CPSF3: variants seen among roughly 807,000 people sequenced by gnomAD.
CPSF3 encodes cleavage and polyadenylation specificity factor subunit 3.
A neutral mutation model predicts 84.1 loss-of-function variants in CPSF3; 57 were observed. The observed-to-expected ratio is 0.68, with a 90% confidence interval of 0.55 to 0.85. CPSF3 has a LOEUF of 0.85. Among genes scored for constraint, CPSF3 ranks in the 40% least tolerant of loss-of-function variants. The pLI is 0.00. For missense variants in CPSF3, 522 were observed against 838.8 expected (o/e 0.62, Z 4.66); for synonymous variants, 275 against 278.1 (o/e 0.99, Z 0.11).
At chr2:9,462,269 G>A (rs1681753851) in intron 15 of CPSF3, among the ~76,000 whole-genome samples, 1 of 152,160 alleles carries the variant, frequency 6.6e-6, no homozygotes, top group African/African-American at 2.4e-5. Context: ...TGCCACCAGG[G>A]TTGCTTTCTC....
chr2:9,452,810 AGTTC>A, intron 11 of CPSF3, 99 bp from the exon 12 acceptor site: 1 of 692,932 alleles, frequency 1.4e-6, no homozygotes, highest in Non-Finnish European at 2.5e-6. Context: ...TTGTTTTCAT[AGTTC>A]AAAGGTGTTA....
At chr2:9,469,796 GT>G (rs1682102319) in intron 16 of CPSF3, among the ~76,000 whole-genome samples, 1 of 152,174 alleles carries the variant, frequency 6.6e-6, no homozygotes, top group Non-Finnish European at 1.5e-5. Context: ...TATTTCCCCA[GT>G]TGTTTAAACA....
intron 7 of CPSF3, among the ~76,000 whole-genome samples, chr2:9,437,739 A>T (rs1005276503): frequency 1.7e-4 from 26 of 152,210 alleles, no homozygotes; most frequent in African/African-American, 5.1e-4. Flanking sequence ...CACGACTGTA[A>T]TCCCTAATTC....
At chr2:9,438,807 C>T (rs1680872809) in intron 7 of CPSF3, among the ~76,000 whole-genome samples, 1 of 152,160 alleles carries the variant, frequency 6.6e-6, no homozygotes, top group African/African-American at 2.4e-5. Flanking sequence ...GGCAATTCTA[C>T]CGTCTGTTCT....
chr2:9,465,013 T>C (rs1440839434), intron 15 of CPSF3, among the ~76,000 whole-genome samples: 2 of 152,108 alleles, frequency 1.3e-5, no homozygotes, highest in African/African-American at 4.8e-5. Context: ...AGGCGAGTAG[T>C]TAGTTGTATA....
At chr2:9,436,457 A>T (rs1680785324) in intron 7 of CPSF3, 96 bp downstream of exon 7, 7 of 1,324,658 alleles carry the variant, frequency 5.3e-6, no homozygotes, top group Non-Finnish European at 7.1e-6. Flanking sequence ...ACCGTTCTGG[A>T]CTTCAGTTTT....
chr2:9,459,547 C>T lies in CPSF3; in HGVS notation c.1715C>T (p.Ser572Phe), dbSNP rs769423079. ...GCTTTCCAGTGGCTGGCAAACCCTT[C>T]TAATGATATGTATGCAGATACAGTA... ...MVVLEWLANP[S>F]NDMYADTVTT... is the part of the protein sequence containing the mutation. The change falls in exon 15 of 18, where the codon TCT becomes TTT. Residue 572 changes from serine to phenylalanine, a missense_variant. By Grantham distance (155) the Ser-to-Phe change is radical (BLOSUM62 -2). Transcript: ENST00000238112. 2 of 1,597,872 alleles carry T rather than the reference C, an allele frequency of 1.3e-6. No homozygotes were observed. The highest frequency in any genetic ancestry group is 4.5e-5 in the East Asian group (2 of 44,036).
intron 9 of CPSF3, among the ~76,000 whole-genome samples, chr2:9,442,186 T>C (rs1197876033): frequency 1.3e-5 from 2 of 152,196 alleles, no homozygotes; most frequent in Non-Finnish European, 2.9e-5. Flanking sequence ...GTGATTGATA[T>C]ACACATTAAA....
In CPSF3 at chr2:9,423,660, T is replaced by C; in HGVS notation, c.-114T>C. ...CCGCGGGCTCCGGAGTGACGGAAGT[T>C]GTGCTCTTGGTGAATGGGGTTCTTC... On this transcript the variant is annotated 5_prime_UTR_variant, in exon 1 of 18. Coordinates refer to ENST00000238112, the MANE Select transcript of CPSF3 (RefSeq NM_016207.4). 1 of 1,370,880 alleles carries C rather than the reference T, an allele frequency of 7.3e-7. No homozygotes were observed. The highest frequency in any genetic ancestry group is 9.9e-7 in the Non-Finnish European group (1 of 1,009,014). 84.9% of individuals were successfully genotyped at this position (1,370,880 alleles called of 1,614,324 possible).
Position 9,473,087 on chromosome 2 carries a change from C to T in CPSF3, c.*70C>T, listed in dbSNP as rs757870752. On this transcript the variant is annotated 3_prime_UTR_variant, in exon 18 of 18. Transcript: ENST00000238112. ...TTTGTTACCTAAAATAAAATGCATT[C>T]GTTTCTCTGGGGGAGCCTGTTTACT... is the stretch of plus-strand genomic sequence containing the variant. 129 of 1,099,664 alleles carry T rather than the reference C, an allele frequency of 1.2e-4. No individual in the cohort carries two copies. The highest frequency in any genetic ancestry group is 1.6e-4 in the Non-Finnish European group (120 of 739,798). The allele number at this position is 1,099,664 out of a possible 1,614,324, so 68.1% of individuals were successfully genotyped here.
At chr2:9,449,407 CAG>C (rs1681240421) in intron 11 of CPSF3, among the ~76,000 whole-genome samples, 2 of 151,926 alleles carry the variant, frequency 1.3e-5, no homozygotes, top group Admixed American at 1.3e-4. Context: ...GCCTGAGTGA[CAG>C]AGTGAGACTG....
intron 9 of CPSF3, among the ~76,000 whole-genome samples, 193 bp from the exon 10 acceptor site, chr2:9,443,322 A>C (rs1681016831): frequency 6.6e-6 from 1 of 152,124 alleles, no homozygotes. Flanking sequence ...TAATTTGTTT[A>C]CTTTTCTCAT....
At chr2:9,430,657 T>C in intron 3 of CPSF3, 95 bp from the exon 4 acceptor site, 1 of 1,195,054 alleles carries the variant, frequency 8.4e-7, no homozygotes, top group South Asian at 1.5e-5. Context: ...TAGTTGTTTA[T>C]ATAAAACTTG....
In CPSF3 at chr2:9,438,971, A is replaced by G. The variant is rs568271164; in HGVS notation, c.761-1520A>G. Among the ~76,000 whole-genome samples the G allele has an allele frequency of 3.9e-5, 6 of 152,316 alleles. No individual in the cohort carries two copies. In the South Asian group the frequency reaches 1.2e-3, roughly 32 times the overall value. ...GGCAAATTATTTAACTTTTTTTAAT[A>G]TTCAGAGTTTATTCATAAAAACACG... On this transcript the variant is annotated intron_variant, in intron 7 of 17. Transcript: ENST00000238112.
At chr2:9,430,046 A>G in intron 3 of CPSF3, 26 bp downstream of exon 3, 1 of 1,300,294 alleles carries the variant, frequency 7.7e-7, no homozygotes. Context: ...TATTAATGAC[A>G]CTTTTTCACG....
chr2:9,468,023 C>T (rs982620657), intron 16 of CPSF3: 42 of 386,688 alleles, frequency 1.1e-4, no homozygotes, highest in African/African-American at 8.2e-4. Context: ...GATGCTGGCA[C>T]AGGGCTGGCA....
intron 11 of CPSF3, among the ~76,000 whole-genome samples, chr2:9,451,785 CAGCTCACTGCA>C (rs1681338849): frequency 6.7e-6 from 1 of 149,440 alleles, no homozygotes; most frequent in Non-Finnish European, 1.5e-5. Context: ...GGCGCGATCT[CAGCTCACTGCA>C]AGCTCCGCCT....
intron 16 of CPSF3, among the ~76,000 whole-genome samples, chr2:9,468,678 G>A (rs1281987317): frequency 7.2e-6 from 1 of 139,526 alleles, no homozygotes; most frequent in African/African-American, 2.8e-5. Flanking sequence ...CCAGGCTGGA[G>A]TGCAGTGGCA....
rs1346482824 is a variant in CPSF3, at chr2:9,457,011, G to T, written c.1682G>T (p.Gly561Val). 3 of 1,591,842 alleles carry T rather than the reference G, an allele frequency of 1.9e-6. No homozygotes were observed. Among genetic ancestry groups the T allele is most frequent in the Non-Finnish European group, 2.6e-6 (3 of 1,167,102 alleles). Residue 561 changes from glycine to valine, a missense_variant, in exon 14 of 18, where the codon GGC (glycine) becomes GTC (valine). Physicochemically the swap from Gly to Val is moderately radical, Grantham distance 109. Around this residue, in one of 2 missense-constraint regions of CPSF3, gnomAD observed 193 missense variants for 231.6 expected, o/e 0.83. Transcript: ENST00000238112. ...AATATTACTGTAATACAAGAACCAG[G>T]CATGGTGGTATTAGAAGTAAGAAAA... ...FKNITVIQEPGMVVLEWLANP... is the reference protein window; with the variant it reads ...FKNITVIQEPVMVVLEWLANP...
Sources: gnomAD v4.1 joint callset for allele counts (sites outside exome capture counted in the v4.1 genomes callset) on GRCh38, gnomAD v4.1.1 for gene constraint, gnomAD v4.1.1 regional missense constraint, MANE v1.5 for transcripts, NCBI Gene and HGNC (gene_info 2026-07-23, HGNC 2026-07-21) for gene names.